The following FHDC1 variants were observed in gnomAD, a reference collection of about 807,000 sequenced individuals.
FHDC1 encodes FH2 domain-containing protein 1.
In FHDC1, 25 loss-of-function variants were observed where a neutral mutation model predicts 52.6. The observed-to-expected ratio is 0.48, with a 90% CI of 0.35 to 0.66. The LOEUF (loss-of-function observed/expected upper bound fraction) is 0.66. Among genes scored for constraint, FHDC1 ranks in the 30% least tolerant of loss-of-function variants. FHDC1 has a pLI of 0.01. For synonymous variants in FHDC1, 616 were observed against 581.5 expected, an observed-to-expected ratio of 1.06 and a Z score of -0.85; for missense variants, 1,459 against 1,452.8, an observed-to-expected ratio of 1.00 and a Z score of -0.07.
chr4:152,931,342 A>G (rs1052792939), upstream of FHDC1, among the ~76,000 whole-genome samples: 8 of 152,088 alleles, frequency 5.3e-5, no homozygotes, highest in Non-Finnish European at 8.8e-5. Context: ...TTTTCTAAGC[A>G]CTGAGTCAAT....
At chr4:152,930,572 T>G in the FHDC1 span, among the ~76,000 whole-genome samples, 1 of 152,172 alleles carries the variant, frequency 6.6e-6, no homozygotes, top group Non-Finnish European at 1.5e-5. Context: ...GTAAACTGAT[T>G]ATGATGCTAA....
At chr4:152,956,624 C>T (rs1740092816) in intron 4 of FHDC1, among the ~76,000 whole-genome samples, 1 of 152,274 alleles carries the variant, frequency 6.6e-6, no homozygotes, top group South Asian at 2.1e-4. Context: ...ATCCCCGAGA[C>T]TCTGTCACCC....
chr4:152,915,051 C>T, the FHDC1 span, among the ~76,000 whole-genome samples: 1 of 152,098 alleles, frequency 6.6e-6, no homozygotes, highest in Non-Finnish European at 1.5e-5. Flanking sequence ...CTGTTATTCT[C>T]CTCCTAAATG....
the FHDC1 span, among the ~76,000 whole-genome samples, chr4:152,931,007 T>A: frequency 6.0e-3 from 776 of 129,736 alleles, 5 homozygotes; most frequent in South Asian, 0.02. Flanking sequence ...ACTCTCTCTC[T>A]CTCTCTCTCT....
chr4:152,972,599 C>T (rs1740671891), intron 11 of FHDC1, 58 bp downstream of exon 11: 18 of 1,543,082 alleles, frequency 1.2e-5, no homozygotes, highest in Admixed American at 3.9e-5. Context: ...TCCTTCTTCT[C>T]GACCTAGTCA....
intron 2 of FHDC1, among the ~76,000 whole-genome samples, chr4:152,947,575 G>A (rs1202066946): frequency 6.6e-6 from 1 of 152,156 alleles, no homozygotes; most frequent in African/African-American, 2.4e-5. Flanking sequence ...GGGGAGGGCT[G>A]TATCTTAGCC....
the FHDC1 span, among the ~76,000 whole-genome samples, chr4:152,917,267 GA>G: frequency 1.3e-5 from 2 of 152,036 alleles, no homozygotes; most frequent in Admixed American, 6.6e-5. Flanking sequence ...TACTACTATA[GA>G]TTTTTTTAAA....
chr4:152,964,740 A>G (rs1427928660), intron 8 of FHDC1, among the ~76,000 whole-genome samples, 165 bp from the exon 9 acceptor site: 1 of 152,236 alleles, frequency 6.6e-6, no homozygotes. Flanking sequence ...GGAGAGTTCT[A>G]GCAAATCTTA....
chr4:152,942,300 T>A (rs1375044350), intron 1 of FHDC1, among the ~76,000 whole-genome samples: 4 of 152,228 alleles, frequency 2.6e-5, no homozygotes, highest in Non-Finnish European at 5.9e-5. Context: ...GCAGTAAAGC[T>A]TGATTTAGGG....
chr4:152,978,437 T>C lies in FHDC1; in HGVS notation c.*1714T>C, dbSNP rs1221696234. ...TTTTTAAATACTGAGAAGAACCAAG[T>C]CAGGTTTTTTAAAGCAGACTAAAAG... On this transcript the variant is annotated 3_prime_UTR_variant, in exon 12 of 12. Transcript: ENST00000511601. 1 of 152,184 alleles carries C rather than the reference T, an allele frequency of 6.6e-6. No individual in the cohort carries two copies. Among genetic ancestry groups the C allele is most frequent in the Non-Finnish European group, 1.5e-5 (1 of 68,032 alleles). 9.4% of individuals were successfully genotyped at this position (152,184 alleles called of 1,614,324 possible). A position where few individuals can be genotyped will look rare whatever the true frequency, so the allele number is the denominator to read the frequency against.
At chr4:152,952,851 G>A (rs1245207462) in intron 2 of FHDC1, among the ~76,000 whole-genome samples, 5 of 152,312 alleles carry the variant, frequency 3.3e-5, no homozygotes, top group Non-Finnish European at 7.4e-5. Context: ...TGAAAATGTG[G>A]CTGGGCACAG....
At chr4:152,934,349 A>G (rs1041194672), upstream of FHDC1, among the ~76,000 whole-genome samples, 1 of 152,138 alleles carries the variant, frequency 6.6e-6, no homozygotes, top group Non-Finnish European at 1.5e-5. Flanking sequence ...GTTTTGAGGG[A>G]AAGATGAGTT....
At chr4:152,928,606 G>A in the FHDC1 span, among the ~76,000 whole-genome samples, 1 of 152,176 alleles carries the variant, frequency 6.6e-6, no homozygotes, top group African/African-American at 2.4e-5. Context: ...TATTGGACAG[G>A]TGTTATTTAA....
Position 152,974,832 on chromosome 4 carries a change from G to C in FHDC1, c.1541G>C (p.Gly514Ala). The change falls in exon 12 of 12, where the codon GGC becomes GCC. Residue 514 changes from glycine (G) to alanine (A), a missense_variant. Physicochemically the swap from Gly to Ala is moderately conservative, Grantham distance 60. This residue lies in a region of FHDC1 where 939 missense variants were observed against 854.5 expected (regional missense o/e 1.10). Transcript: ENST00000511601. ...CTGCTGACCAAGAAGGGTGCAGAGGGCCTGCTCCCTTTCCTGCACCCCAGG... is the reference window on the plus strand; with the variant it reads ...CTGCTGACCAAGAAGGGTGCAGAGGCCCTGCTCCCTTTCCTGCACCCCAGG... ...VELLTKKGAE[G>A]LLPFLHPRPI... 1.9e-6 allele frequency: 3 copies of C among 1,596,004 alleles called. No individual in the cohort carries two copies. The highest frequency in any genetic ancestry group is 2.2e-5 in the East Asian group (1 of 44,466).
chr4:152,929,326 G>A, the FHDC1 span, among the ~76,000 whole-genome samples: 417 of 152,294 alleles, frequency 2.7e-3, 2 homozygotes, highest in African/African-American at 9.6e-3. This position sits in a 1 kb window ranked among gnomAD's most constrained non-coding sequence, Gnocchi z 4.1. Flanking sequence ...GAAACAATAA[G>A]GCAAAGGAAG....
At chr4:152,939,668 A>G (rs1451507915) in intron 1 of FHDC1, among the ~76,000 whole-genome samples, 2 of 152,224 alleles carry the variant, frequency 1.3e-5, no homozygotes, top group Non-Finnish European at 2.9e-5. Context: ...GGGAGAGTCC[A>G]TCACTCAAAC....
At chr4:152,967,570 C>T (rs1740502952) in intron 9 of FHDC1, among the ~76,000 whole-genome samples, 2 of 152,210 alleles carry the variant, frequency 1.3e-5, no homozygotes, top group South Asian at 4.1e-4. Context: ...GAATTATCAA[C>T]ATATATTGCC....
chr4:152,943,589 A>G lies in FHDC1; in HGVS notation c.498+34A>G, dbSNP rs778226770. 1.9e-6 allele frequency: 3 copies of G among 1,579,460 alleles called. No individual in the cohort carries two copies. In the Admixed American group the frequency reaches 5.3e-5, roughly 28 times the overall value. ...GCAAGGTGGAGGGCTAATCCTCCAC[A>G]CACTGCATTGTTTTGTGTTTTGGGA... On this transcript the variant is annotated intron_variant, in intron 2 of 11. Transcript: ENST00000511601.
At chr4:152,921,570 C>T in the FHDC1 span, among the ~76,000 whole-genome samples, 3 of 138,226 alleles carry the variant, frequency 2.2e-5, no homozygotes, top group South Asian at 2.6e-4. Flanking sequence ...TCCTTCCTTC[C>T]TTCCTTCCTT....
Sources: gnomAD v4.1 joint callset for allele counts (sites outside exome capture counted in the v4.1 genomes callset) on GRCh38, gnomAD v4.1.1 for gene constraint, gnomAD v4.1.1 regional missense constraint, Gnocchi (gnomAD v3.1) non-coding constraint, MANE v1.5 for transcripts, NCBI Gene and HGNC (gene_info 2026-07-23, HGNC 2026-07-21) for gene names.